GNG12: variants seen among roughly 807,000 people sequenced by gnomAD.
GNG12 encodes G protein subunit gamma 12.
For missense variants in GNG12, 69 were observed against 83.8 expected (o/e 0.82, Z 0.69); for synonymous variants, 28 against 29.7 (o/e 0.94, Z 0.19).
chr1:67,764,987 G>A (rs973858530), intron 2 of GNG12, among the ~76,000 whole-genome samples: 32 of 151,742 alleles, frequency 2.1e-4, no homozygotes, highest in African/African-American at 7.8e-4. Context: ...CAAACACTTG[G>A]GTCAAAAAGC....
chr1:67,745,375 G>A (rs536044759), intron 2 of GNG12, among the ~76,000 whole-genome samples: 7 of 152,280 alleles, frequency 4.6e-5, no homozygotes, highest in South Asian at 2.1e-4. Context: ...GAATTACTGC[G>A]TGACTTGGAG....
intron 1 of GNG12, chr1:67,832,382 G>A (rs1198373748): frequency 2.0e-5 from 3 of 152,078 alleles, no homozygotes; most frequent in Non-Finnish European, 4.4e-5. Context: ...AGTCCCAGTT[G>A]GGCAAAGTTT....
intron 2 of GNG12, among the ~76,000 whole-genome samples, chr1:67,747,233 C>A (rs959699336): frequency 1.1e-4 from 16 of 152,206 alleles, no homozygotes; most frequent in Admixed American, 1.0e-3. Context: ...GATTGTCCTG[C>A]CTCAATCTCC....
At position 67,796,920 on chromosome 1, in the gene GNG12, G is replaced by A. The variant is rs148045939; in HGVS notation, c.-76-19413C>T. Among the ~76,000 whole-genome samples, 3 of 152,322 alleles carry A rather than the reference G, an allele frequency of 2.0e-5. No individual in the cohort carries two copies. The East Asian group carries it at 5.8e-4, about 29-fold the overall frequency. ...CATGGTGAAAGGCAAAGGGGGAACAGGTGTGTCACTTGGTGAGCCAGACAG... is the reference window on the plus strand; with the variant it reads ...CATGGTGAAAGGCAAAGGGGGAACAAGTGTGTCACTTGGTGAGCCAGACAG... On this transcript the variant is annotated intron_variant, in intron 1 of 3. Coordinates refer to ENST00000370982, the MANE Select transcript of GNG12 (RefSeq NM_018841.6).
chr1:67,808,183 A>G (rs1446110056), intron 1 of GNG12, among the ~76,000 whole-genome samples: 2 of 152,144 alleles, frequency 1.3e-5, no homozygotes, highest in Non-Finnish European at 2.9e-5. Flanking sequence ...CCATCCCATC[A>G]ACAGGCTAAA....
chr1:67,806,585 A>C (rs975075359), intron 1 of GNG12, among the ~76,000 whole-genome samples: 1 of 151,880 alleles, frequency 6.6e-6, no homozygotes, highest in Non-Finnish European at 1.5e-5. Flanking sequence ...GGATGACTGT[A>C]AAGGGATAGA....
At chr1:67,768,038 A>G (rs1646651805) in intron 2 of GNG12, among the ~76,000 whole-genome samples, 1 of 152,226 alleles carries the variant, frequency 6.6e-6, no homozygotes, top group African/African-American at 2.4e-5. Flanking sequence ...CAGCCTACCA[A>G]TGAGCTGGGA....
chr1:67,743,856 A>T (rs1409907551), intron 2 of GNG12, among the ~76,000 whole-genome samples: 2 of 152,308 alleles, frequency 1.3e-5, no homozygotes, highest in Non-Finnish European at 2.9e-5. Flanking sequence ...AGAGATTGAG[A>T]ATGTTAGTTG....
intron 1 of GNG12, among the ~76,000 whole-genome samples, chr1:67,795,944 C>T (rs931299614): frequency 3.0e-4 from 45 of 152,200 alleles, no homozygotes; most frequent in Non-Finnish European, 5.6e-4. Flanking sequence ...GCTGAACTCA[C>T]AAGAATACTT....
intron 1 of GNG12, among the ~76,000 whole-genome samples, chr1:67,807,405 CA>C (rs1557624030): frequency 6.7e-6 from 1 of 150,186 alleles, no homozygotes; most frequent in African/African-American, 2.4e-5. Context: ...TCAAATTAAG[CA>C]TGGGCAAAGA....
intron 2 of GNG12, among the ~76,000 whole-genome samples, chr1:67,721,747 C>T (rs1271310962): frequency 6.6e-6 from 1 of 152,054 alleles, no homozygotes; most frequent in Non-Finnish European, 1.5e-5. Context: ...TTCCAAATTC[C>T]CTGGTTGAGG....
chr1:67,780,117 T>C (rs945849689), intron 1 of GNG12, among the ~76,000 whole-genome samples: 1 of 152,244 alleles, frequency 6.6e-6, no homozygotes, highest in African/African-American at 2.4e-5. Context: ...ATGACTGTAC[T>C]ATTGGTAATA....
chr1:67,733,154 T>G (rs1328194671), intron 2 of GNG12, among the ~76,000 whole-genome samples: 1 of 152,194 alleles, frequency 6.6e-6, no homozygotes, highest in Non-Finnish European at 1.5e-5. Flanking sequence ...TCCCTCTTAC[T>G]GCAAAGCCCT....
intron 2 of GNG12, among the ~76,000 whole-genome samples, chr1:67,737,839 C>T (rs1646461134): frequency 1.3e-5 from 2 of 152,182 alleles, no homozygotes; most frequent in Non-Finnish European, 2.9e-5. Flanking sequence ...CAAGGGCTCA[C>T]CCTTTGCAAT....
At chr1:67,809,774 A>C (rs1414616038) in intron 1 of GNG12, among the ~76,000 whole-genome samples, 2 of 152,176 alleles carry the variant, frequency 1.3e-5, no homozygotes, top group Non-Finnish European at 2.9e-5. Context: ...CACTGATGGC[A>C]CCAAATGCTG....
intron 2 of GNG12, among the ~76,000 whole-genome samples, chr1:67,774,440 A>T (rs571938646): frequency 6.6e-6 from 1 of 152,370 alleles, no homozygotes; most frequent in East Asian, 1.9e-4. Context: ...AATTAACATA[A>T]GAGGAAACAA....
intron 2 of GNG12, among the ~76,000 whole-genome samples, chr1:67,773,830 TC>T (rs1646688617): frequency 6.6e-6 from 1 of 152,304 alleles, no homozygotes; most frequent in African/African-American, 2.4e-5. Context: ...ATCAAGACGG[TC>T]ATGACAATCT....
chr1:67,731,110 T>C (rs1420387259), intron 2 of GNG12, among the ~76,000 whole-genome samples: 1 of 152,146 alleles, frequency 6.6e-6, no homozygotes, highest in Non-Finnish European at 1.5e-5. Flanking sequence ...TTTGTTTTTA[T>C]TTTTTCCCCC....
chr1:67,828,128 G>T (rs2100830850), intron 1 of GNG12, among the ~76,000 whole-genome samples: 1 of 152,302 alleles, frequency 6.6e-6, no homozygotes, highest in East Asian at 1.9e-4. Context: ...GAAGTCCAGG[G>T]ATGAAAGAGG....
Sources: gnomAD v4.1 joint callset for allele counts (sites outside exome capture counted in the v4.1 genomes callset) on GRCh38, gnomAD v4.1.1 for gene constraint, MANE v1.5 for transcripts, NCBI Gene and HGNC (gene_info 2026-07-23, HGNC 2026-07-21) for gene names.